The following ANKRD11 variants were observed in gnomAD, a reference collection of about 807,000 sequenced individuals.
ANKRD11 encodes the protein ankyrin repeat domain-containing protein 11.
ANKRD11 carries 17 observed loss-of-function variants against 195.7 expected under a neutral mutation model. The ratio of observed to expected loss-of-function variants is 0.09; its 90% CI spans 0.06 to 0.13. ANKRD11 has a LOEUF of 0.13. ANKRD11 is among the 10% of genes least tolerant of loss of function. The pLI is 1.00. For synonymous variants in ANKRD11, 1,953 were observed against 1,528.1 expected, an observed-to-expected ratio of 1.28 and a Z score of -6.49; for missense variants, 3,735 against 3,566.1, an observed-to-expected ratio of 1.05 and a Z score of -1.21.
chr16:89,461,052 G>A (rs1214956440), intron 1 of ANKRD11, among the ~76,000 whole-genome samples: 6 of 102,440 alleles, frequency 5.9e-5, no homozygotes, highest in South Asian at 3.2e-4. Flanking sequence ...CCACCCCCCC[G>A]CAGGAGACGC....
chr16:89,363,459 A>G (rs1456562205), intron 2 of ANKRD11, among the ~76,000 whole-genome samples: 2 of 144,704 alleles, frequency 1.4e-5, no homozygotes, highest in African/African-American at 5.2e-5. Flanking sequence ...CATGTACCCT[A>G]AAAGTATAAT....
intron 1 of ANKRD11, among the ~76,000 whole-genome samples, chr16:89,488,883 A>G (rs1027467920): frequency 6.6e-6 from 1 of 152,164 alleles, no homozygotes; most frequent in African/African-American, 2.4e-5. Flanking sequence ...TGTTCTTGCA[A>G]AAGGATACAA....
At chr16:89,448,611 C>A (rs989566501) in intron 1 of ANKRD11, among the ~76,000 whole-genome samples, 1 of 152,154 alleles carries the variant, frequency 6.6e-6, no homozygotes, top group Non-Finnish European at 1.5e-5. Flanking sequence ...CACAAAAATA[C>A]CTTCCAAATA....
chr16:89,276,999 T>C (rs538238552), intron 9 of ANKRD11, among the ~76,000 whole-genome samples: 1 of 149,082 alleles, frequency 6.7e-6, no homozygotes, highest in African/African-American at 2.5e-5. Context: ...GAGCTTGCAG[T>C]GAGCCGACAT....
At chr16:89,373,964 C>T (rs1247485214) in intron 2 of ANKRD11, among the ~76,000 whole-genome samples, 1 of 152,204 alleles carries the variant, frequency 6.6e-6, no homozygotes, top group Non-Finnish European at 1.5e-5. Flanking sequence ...GGGCCCTGGC[C>T]CACTCGACAT....
At chr16:89,475,138 A>G (rs1038702210) in intron 1 of ANKRD11, among the ~76,000 whole-genome samples, 6 of 152,218 alleles carry the variant, frequency 3.9e-5, no homozygotes, top group African/African-American at 1.4e-4. Context: ...ACGGGCAGAG[A>G]AAGGCTGGGG....
rs572752408 is a variant in ANKRD11 at position 89,385,582 on chromosome 16, A to G, written c.-60+32702T>C. 2.0e-5 allele frequency among the ~76,000 whole-genome samples: 3 copies of G among 152,284 alleles called. No individual in the cohort carries two copies. In the South Asian group the frequency reaches 6.2e-4, roughly 32 times the overall value. On this transcript the variant is annotated intron_variant, in intron 2 of 12. Transcript: ENST00000301030. ...ACCAATTCTCCAACTCTACTGAGTG[A>G]GCAAGAAGACAGTCACCATATTCCC...
At chr16:89,432,277 ACC>A (rs59002981) in intron 1 of ANKRD11, among the ~76,000 whole-genome samples, 6 of 121,138 alleles carry the variant, frequency 5.0e-5, no homozygotes, top group East Asian at 2.4e-4. Flanking sequence ...ACACACACAC[ACC>A]CCTGGAAAAT....
At chr16:89,453,028 C>T (rs974305038) in intron 1 of ANKRD11, among the ~76,000 whole-genome samples, 1 of 152,176 alleles carries the variant, frequency 6.6e-6, no homozygotes, top group Non-Finnish European at 1.5e-5. Context: ...TCAAACAATC[C>T]TCCTGACTCG....
intron 2 of ANKRD11, among the ~76,000 whole-genome samples, chr16:89,416,766 C>CAA (rs71134221): frequency 5.0e-4 from 53 of 105,982 alleles, no homozygotes; most frequent in African/African-American, 1.6e-3. Context: ...TCTGTTTCTA[C>CAA]AAAAAAAAAA....
intron 2 of ANKRD11, among the ~76,000 whole-genome samples, chr16:89,415,099 G>C (rs527356456): frequency 1.3e-5 from 2 of 151,936 alleles, no homozygotes; most frequent in African/African-American, 4.8e-5. Flanking sequence ...ACAGGCGCAT[G>C]CATGCCACCA....
intron 2 of ANKRD11, among the ~76,000 whole-genome samples, chr16:89,377,760 A>C (rs1460444681): frequency 6.6e-6 from 1 of 152,138 alleles, no homozygotes; most frequent in Non-Finnish European, 1.5e-5. Context: ...ACAGTGAGGG[A>C]GGACTGTGAC....
Position 89,283,562 on chromosome 16 carries a change from C to T in ANKRD11, c.2980G>A (p.Gly994Arg). Residue 994 changes from glycine (G) to arginine (R), a missense_variant, in exon 9 of 13, where the codon GGG (glycine) becomes AGG (arginine). Gly to Arg is a moderately radical substitution (Grantham distance 125). Transcript: ENST00000301030. The surrounding 1 kb of genome is among the most constrained non-coding windows in gnomAD (Gnocchi z 4.3). ...CGTTCCCACGGCTCCAGGCCCTTCC[C>T]AAAGTCGCCGTCGGACTTGTCCTTG... ...GFKDKSDGDF[G>R]KGLEPWERHH... 2 of 1,611,776 alleles carry T rather than the reference C, an allele frequency of 1.2e-6. No individual in the cohort carries two copies. The highest frequency in any genetic ancestry group is 1.7e-6 in the Non-Finnish European group (2 of 1,180,030).
chr16:89,388,145 T>G (rs578179437), intron 2 of ANKRD11, among the ~76,000 whole-genome samples: 2 of 152,150 alleles, frequency 1.3e-5, no homozygotes, highest in East Asian at 3.9e-4. Context: ...ACATCATACA[T>G]AAACATAACC....
chr16:89,371,627 T>A (rs548961794), intron 2 of ANKRD11, among the ~76,000 whole-genome samples: 1 of 152,082 alleles, frequency 6.6e-6, no homozygotes, highest in Admixed American at 6.5e-5. Context: ...CCTGCCCACA[T>A]GACGACACCC....
chr16:89,427,676 G>A (rs1020266574), intron 1 of ANKRD11, among the ~76,000 whole-genome samples: 5 of 151,954 alleles, frequency 3.3e-5, no homozygotes, highest in African/African-American at 1.2e-4. Context: ...GCACATGCCT[G>A]TAATCCCAGC....
chr16:89,435,796 T>TCACACACACACA lies in ANKRD11; in HGVS notation c.-144-17440_-144-17429dup, dbSNP rs58503159. Among the ~76,000 whole-genome samples, 522 of 143,098 alleles carry TCACACACACACA rather than the reference T, an allele frequency of 3.6e-3. 1 individual carries two copies. Among genetic ancestry groups the TCACACACACACA allele is most frequent in the Middle Eastern group, 6.9e-3 (2 of 288 alleles). 93.9% of individuals were successfully genotyped at this position (143,098 alleles called of 152,430 possible). ...TGACGCACCCACAGCCACCAGCTCT[T>TCACACACACACA]CACACACACACACACACACACACAC... On this transcript the variant is annotated intron_variant, in intron 1 of 12. Transcript: ENST00000301030.
rs764809234 is a variant in ANKRD11, at chr16:89,283,908, C to T, written c.2634G>A (p.Leu878=). Residue 878 remains leucine, a synonymous_variant, in exon 9 of 13, where the codon TTG becomes TTA. Coordinates refer to ENST00000301030, the MANE Select transcript of ANKRD11 (RefSeq NM_013275.6). The surrounding 1 kb of genome is among the most constrained non-coding windows in gnomAD (Gnocchi z 4.3). The part of the protein sequence containing the change: ...MKSDSVAKLI[L]ETVKEDSKER... ...CCTTGCTGTCCTCCTTCACCGTCTC[C>T]AAGATGAGCTTGGCCACAGAGTCGC... is the stretch of plus-strand genomic sequence containing the variant. 1 of 1,614,166 alleles carries T rather than the reference C, an allele frequency of 6.2e-7. No homozygotes were observed. Among genetic ancestry groups the T allele is most frequent in the Non-Finnish European group, 8.5e-7 (1 of 1,180,030 alleles).
chr16:89,285,995 A>T lies in ANKRD11; in HGVS notation c.892+44T>A, dbSNP rs1222478241. The T allele has an allele frequency of 6.2e-7, 1 of 1,613,372 alleles. No homozygotes were observed. Among genetic ancestry groups the T allele is most frequent in the African/African-American group, 1.3e-5 (1 of 75,052 alleles). ...CAAACACCACAGGGCAGCTCCTACC[A>T]TCCCTGCATAAAAGAACAGGCAGCT... On this transcript the variant is annotated intron_variant, in intron 8 of 12. Coordinates refer to ENST00000301030, the MANE Select transcript of ANKRD11 (RefSeq NM_013275.6). The surrounding 1 kb of genome is among the most constrained non-coding windows in gnomAD (Gnocchi z 5.6).
Sources: gnomAD v4.1 joint callset for allele counts (sites outside exome capture counted in the v4.1 genomes callset) on GRCh38, gnomAD v4.1.1 for gene constraint, Gnocchi (gnomAD v3.1) non-coding constraint, MANE v1.5 for transcripts, NCBI Gene and HGNC (gene_info 2026-07-23, HGNC 2026-07-21) for gene names.